PPP2R5E: variants seen among roughly 807,000 people sequenced by gnomAD.
PPP2R5E encodes the protein protein phosphatase 2 regulatory subunit B'epsilon.
PPP2R5E carries 4 observed loss-of-function variants against 65.3 expected under a neutral mutation model. The ratio of observed to expected loss-of-function variants is 0.06; its 90% confidence interval spans 0.03 to 0.14. The LOEUF (loss-of-function observed/expected upper bound fraction) is 0.14, where lower values mean the gene tolerates loss of function less well. Ranked by LOEUF, PPP2R5E falls within the 10% of genes least tolerant of loss-of-function variation. PPP2R5E has a pLI of 1.00. For missense variants in PPP2R5E, 274 were observed against 556.1 expected (o/e 0.49, Z 5.10); for synonymous variants, 183 against 187.4 (o/e 0.98, Z 0.19).
intron 4 of PPP2R5E, among the ~76,000 whole-genome samples, chr14:63,415,893 T>C (rs1232390158): frequency 6.6e-6 from 1 of 152,192 alleles, no homozygotes; most frequent in Non-Finnish European, 1.5e-5. Context: ...CATGAGGAAA[T>C]ATTTCTAAAT....
At chr14:63,468,231 A>T (rs192863890) in intron 2 of PPP2R5E, among the ~76,000 whole-genome samples, 1 of 152,294 alleles carries the variant, frequency 6.6e-6, no homozygotes, top group African/African-American at 2.4e-5. Flanking sequence ...TCCATATTCT[A>T]GGCATTGTGT....
chr14:63,381,583 TAATA>T (rs78707675), intron 13 of PPP2R5E, among the ~76,000 whole-genome samples: 29,671 of 151,970 alleles, frequency 0.2, 4,355 homozygotes, highest in East Asian at 0.48. Context: ...AGTGGCACAG[TAATA>T]AATAAATAAA....
chr14:63,529,522 G>A (rs967978123), intron 2 of PPP2R5E, among the ~76,000 whole-genome samples: 27 of 151,844 alleles, frequency 1.8e-4, no homozygotes, highest in Non-Finnish European at 3.2e-4. Flanking sequence ...TACCACGCCC[G>A]GCTAGTTTTT....
chr14:63,512,073 T>C (rs1892477293), intron 2 of PPP2R5E, among the ~76,000 whole-genome samples: 2 of 103,956 alleles, frequency 1.9e-5, no homozygotes, highest in African/African-American at 9.3e-5. Context: ...AGCGAGACTC[T>C]GCGGTAAAAA....
At position 63,522,601 on chromosome 14, in the gene PPP2R5E, G is replaced by A. The variant is rs1413918564; in HGVS notation, c.157+16928C>T. On this transcript the variant is annotated intron_variant, in intron 2 of 13. Coordinates refer to ENST00000337537, the MANE Select transcript of PPP2R5E (RefSeq NM_006246.5). ...GGGAGCGCCTCTGCCCCGCCGCCCC[G>A]TCTGGGATGTGAGGAGCGCCTCTAC... Among the ~76,000 whole-genome samples, 137 of 135,056 alleles carry A rather than the reference G, an allele frequency of 1.0e-3. 2 individuals are homozygous for A. The highest frequency in any genetic ancestry group is 2.8e-3 in the South Asian group (12 of 4,322). The allele number at this position is 135,056 out of a possible 152,430, so 88.6% of individuals were successfully genotyped here.
At chr14:63,497,324 T>G (rs1891618677) in intron 2 of PPP2R5E, among the ~76,000 whole-genome samples, 2 of 152,090 alleles carry the variant, frequency 1.3e-5, no homozygotes, top group Admixed American at 1.3e-4. Context: ...TCCGTGGGAT[T>G]TCATAAAACT....
chr14:63,397,995 C>T lies in PPP2R5E; in HGVS notation c.550-1279G>A, dbSNP rs188547704. ...CCACCCACCTCAGCCTCCCAAAGTG[C>T]TGGGATTAGAGGTGTGAGCCACCAT... is the stretch of plus-strand genomic sequence containing the variant. On this transcript the variant is annotated intron_variant, in intron 5 of 13. Transcript: ENST00000337537. 6.5e-3 allele frequency among the ~76,000 whole-genome samples: 993 copies of T among 152,258 alleles called. 2 individuals are homozygous for T. Among genetic ancestry groups the T allele is most frequent in the Non-Finnish European group, 0.011 (740 of 68,016 alleles).
intron 2 of PPP2R5E, among the ~76,000 whole-genome samples, chr14:63,493,592 C>T (rs1008998690): frequency 3.9e-5 from 6 of 152,026 alleles, no homozygotes; most frequent in African/African-American, 1.2e-4. Context: ...GTGACAGCAG[C>T]TAAATAAAGG....
chr14:63,511,182 G>A (rs1366606247), intron 2 of PPP2R5E, among the ~76,000 whole-genome samples: 1 of 152,176 alleles, frequency 6.6e-6, no homozygotes, highest in Non-Finnish European at 1.5e-5. Flanking sequence ...TGGCCAATGG[G>A]ACAATAGCAA....
Position 63,534,428 on chromosome 14 carries a change from G to A in PPP2R5E, c.157+5101C>T, listed in dbSNP as rs150000597. Among the ~76,000 whole-genome samples the A allele has an allele frequency of 3.2e-3, 486 of 151,742 alleles. 3 individuals carry two copies. The highest frequency in any genetic ancestry group is 4.9e-3 in the Non-Finnish European group (331 of 67,900). Reference sequence around the variant, plus strand: ...TATAGATGCACACCACTACATCCACGAATTTTTGGATTTTTAGCAGAGATG... The same window carrying A: ...TATAGATGCACACCACTACATCCACAAATTTTTGGATTTTTAGCAGAGATG... On this transcript the variant is annotated intron_variant, in intron 2 of 13. Coordinates refer to ENST00000337537, the MANE Select transcript of PPP2R5E (RefSeq NM_006246.5).
rs1594801182 is a variant in PPP2R5E at position 63,374,543 on chromosome 14, G to C, written c.*1466C>G. 6.7e-6 allele frequency: 1 copy of C among 149,642 alleles called. No individual in the cohort carries two copies. Among genetic ancestry groups the C allele is most frequent in the Non-Finnish European group, 1.5e-5 (1 of 67,648 alleles). 9.3% of individuals were successfully genotyped at this position (149,642 alleles called of 1,614,324 possible). On this transcript the variant is annotated 3_prime_UTR_variant, in exon 14 of 14. Coordinates refer to ENST00000337537, the MANE Select transcript of PPP2R5E (RefSeq NM_006246.5). The stretch of plus-strand genomic sequence containing the variant: ...AGTACGTAATAATGCAACTGCATTA[G>C]GTAAGTACATACTGTACACAAATTT...
chr14:63,449,757 G>C (rs1888704163), intron 3 of PPP2R5E, among the ~76,000 whole-genome samples: 1 of 134,792 alleles, frequency 7.4e-6, no homozygotes, highest in Admixed American at 9.3e-5. Flanking sequence ...CACAAAAATG[G>C]AGAACCCCTA....
intron 2 of PPP2R5E, among the ~76,000 whole-genome samples, chr14:63,495,479 G>A (rs1019979190): frequency 4.6e-5 from 7 of 150,766 alleles, no homozygotes; most frequent in Non-Finnish European, 7.4e-5. Flanking sequence ...AACTAGGGAG[G>A]CTGAGGCAGG....
At chr14:63,390,697 CTGCTAAAAGTAAAATATAGTAGACCCT>C (rs1457561994) in intron 10 of PPP2R5E, among the ~76,000 whole-genome samples, 1 of 152,154 alleles carries the variant, frequency 6.6e-6, no homozygotes, top group Non-Finnish European at 1.5e-5. Flanking sequence ...GAAGGCGTTT[CTGCTAAAAGTAAAATATAGTAGACCCT>C]TGCCATTTGT....
At chr14:63,469,435 G>A (rs1013968815) in intron 2 of PPP2R5E, among the ~76,000 whole-genome samples, 7 of 152,240 alleles carry the variant, frequency 4.6e-5, no homozygotes, top group Non-Finnish European at 1.0e-4. Flanking sequence ...GCTCACGCCT[G>A]TAATCCCAGC....
intron 2 of PPP2R5E, among the ~76,000 whole-genome samples, chr14:63,471,855 G>A (rs1228169525): frequency 6.6e-6 from 1 of 152,216 alleles, no homozygotes; most frequent in East Asian, 1.9e-4. Context: ...CATCTGGAAG[G>A]GTTAATCTTC....
At chr14:63,503,538 TC>T (rs1157150671) in intron 2 of PPP2R5E, among the ~76,000 whole-genome samples, 1 of 152,016 alleles carries the variant, frequency 6.6e-6, no homozygotes, top group African/African-American at 2.4e-5. Flanking sequence ...AAACAACTGT[TC>T]CAGAGCAAAG....
intron 2 of PPP2R5E, among the ~76,000 whole-genome samples, chr14:63,517,788 C>A (rs982799222): frequency 6.6e-6 from 1 of 152,222 alleles, no homozygotes; most frequent in African/African-American, 2.4e-5. Flanking sequence ...CCAGTCTTCA[C>A]AGTAACCATA....
intron 2 of PPP2R5E, among the ~76,000 whole-genome samples, chr14:63,463,811 T>C (rs1396146490): frequency 6.6e-6 from 1 of 152,042 alleles, no homozygotes; most frequent in Non-Finnish European, 1.5e-5. Flanking sequence ...TTCGCCAGGA[T>C]GGTCTGGATC....
Sources: allele counts gnomAD v4.1 joint callset (sites outside exome capture counted in the v4.1 genomes callset), GRCh38; gene constraint gnomAD v4.1.1; transcripts MANE v1.5; gene names NCBI Gene and HGNC (gene_info 2026-07-23, HGNC 2026-07-21).